Variants in USH2A observed in about 807,000 individuals in gnomAD.
USH2A encodes Usher syndrome 2A (autosomal recessive, mild).
In USH2A, 443 loss-of-function variants were observed where a neutral mutation model predicts 538.9. That is an observed-to-expected ratio of 0.82 (90% CI 0.76 to 0.89). The LOEUF (loss-of-function observed/expected upper bound fraction) is 0.89. Among genes scored for constraint, USH2A ranks in the 40% least tolerant of loss-of-function variants. USH2A has a pLI of 0.00. For missense variants in USH2A, 6,633 were observed against 6,324.8 expected (o/e 1.05, Z -1.65); for synonymous variants, 2,413 against 2,273.5 (o/e 1.06, Z -1.75).
At chr1:215,794,295 G>T (rs1662062021) in intron 50 of USH2A, among the ~76,000 whole-genome samples, 1 of 152,188 alleles carries the variant, frequency 6.6e-6, no homozygotes, top group Admixed American at 6.5e-5. Context: ...TTTGTTAAAG[G>T]GCTCCTGCAG....
chr1:216,312,397 C>CTCT (rs141331350), intron 9 of USH2A, among the ~76,000 whole-genome samples: 3 of 151,808 alleles, frequency 2.0e-5, no homozygotes, highest in African/African-American at 7.3e-5. Flanking sequence ...CTGTTCCTTT[C>CTCT]TCTTCTTCTT....
rs773927620 is a variant in USH2A, at chr1:216,070,189, G to T, written c.5961C>A (p.Tyr1987Ter). ...EPVVRGVIEK[Y>*]ILKAYSEDST... ...TGTCCTCACTATAGGCTTTCAGAATGTACTTCTCAATTACACCTCTGACAA... is the reference window on the plus strand; with the variant it reads ...TGTCCTCACTATAGGCTTTCAGAATTTACTTCTCAATTACACCTCTGACAA... The change falls in exon 30 of 72, where the codon TAC (tyrosine) becomes TAA (stop). Residue 1987 changes from tyrosine (Y) to a stop codon, truncating the protein, a stop_gained. Transcript: ENST00000307340. LOFTEE classifies it high-confidence loss of function. 1 of 1,613,986 alleles carries T rather than the reference G, an allele frequency of 6.2e-7. No homozygotes were observed. Among genetic ancestry groups the T allele is most frequent in the Non-Finnish European group, 8.5e-7 (1 of 1,179,928 alleles).
intron 13 of USH2A, among the ~76,000 whole-genome samples, chr1:216,242,036 G>C (rs1337896503): frequency 6.6e-6 from 1 of 151,998 alleles, no homozygotes; most frequent in Non-Finnish European, 1.5e-5. Context: ...CCTTGTTAAA[G>C]TTTCAATATC....
chr1:216,113,688 CT>C (rs1275593452), intron 21 of USH2A, among the ~76,000 whole-genome samples: 2 of 151,674 alleles, frequency 1.3e-5, no homozygotes, highest in African/African-American at 4.8e-5. Context: ...AAGTCATTTA[CT>C]TTTTTTTAAC....
At chr1:215,826,228 G>A (rs1312259164) in intron 47 of USH2A, among the ~76,000 whole-genome samples, 16 of 152,182 alleles carry the variant, frequency 1.1e-4, no homozygotes, top group Admixed American at 1.0e-3. Flanking sequence ...CTTCTGGCAT[G>A]AGGAGACTCC....
chr1:215,912,477 GTATATATATATA>G (rs1169263958), intron 38 of USH2A, among the ~76,000 whole-genome samples: 2 of 15,420 alleles, frequency 1.3e-4, no homozygotes, highest in Non-Finnish European at 3.0e-4. Context: ...ATATATATAC[GTATATATATATA>G]TGTGTATATA....
chr1:215,971,916 T>C (rs1368444143), intron 35 of USH2A, among the ~76,000 whole-genome samples: 1 of 151,774 alleles, frequency 6.6e-6, no homozygotes, highest in Admixed American at 6.6e-5. Flanking sequence ...ATGAGGGAGG[T>C]GAGAGCACCG....
intron 21 of USH2A, among the ~76,000 whole-genome samples, chr1:216,109,629 C>G (rs962898015): frequency 2.6e-5 from 4 of 152,134 alleles, no homozygotes; most frequent in African/African-American, 9.7e-5. Context: ...TTTGTGAGAA[C>G]AGGAATGCAA....
At chr1:216,147,225 T>C (rs1465489671) in intron 21 of USH2A, among the ~76,000 whole-genome samples, 71 of 151,996 alleles carry the variant, frequency 4.7e-4, no homozygotes, top group Middle Eastern at 3.4e-3. Context: ...CCTCCCCAGG[T>C]TGTTCCTCGC....
intron 64 of USH2A, among the ~76,000 whole-genome samples, chr1:215,660,914 T>G (rs191431294): frequency 3.9e-5 from 6 of 152,338 alleles, no homozygotes; most frequent in African/African-American, 1.4e-4. Flanking sequence ...CTGACTTATT[T>G]GAATGTGTTA....
intron 44 of USH2A, among the ~76,000 whole-genome samples, chr1:215,846,558 T>G (rs1438964024): frequency 6.6e-6 from 1 of 152,210 alleles, no homozygotes; most frequent in Non-Finnish European, 1.5e-5. Flanking sequence ...AATCTCATAA[T>G]TAATTGCAGT....
chr1:216,138,340 A>G (rs1460483283), intron 21 of USH2A, among the ~76,000 whole-genome samples: 1 of 152,232 alleles, frequency 6.6e-6, no homozygotes, highest in African/African-American at 2.4e-5. Context: ...GTTTTAACTC[A>G]GTATATTAAA....
At position 216,360,606 on chromosome 1, in the gene USH2A, T is replaced by C. The variant is rs149057994; in HGVS notation, c.784+4347A>G. On this transcript the variant is annotated intron_variant, in intron 4 of 71. Transcript: ENST00000307340. ...CCATATACCGCTCTGGTGAGGGATA[T>C]TGACAATGGGGAAGGCTGTGCGTGT... is the stretch of plus-strand genomic sequence containing the variant. Among the ~76,000 whole-genome samples, 32 of 152,132 alleles carry C rather than the reference T, an allele frequency of 2.1e-4. No individual in the cohort carries two copies. In the East Asian group the frequency reaches 3.5e-3, roughly 17 times the overall value.
intron 37 of USH2A, among the ~76,000 whole-genome samples, chr1:215,958,126 C>T (rs78837734): frequency 2.0e-5 from 3 of 150,318 alleles, no homozygotes; most frequent in African/African-American, 7.5e-5. Flanking sequence ...AAAATAAACG[C>T]TTCTGTATAT....
At chr1:216,338,062 A>G (rs1352048904) in intron 4 of USH2A, among the ~76,000 whole-genome samples, 2 of 151,432 alleles carry the variant, frequency 1.3e-5, no homozygotes, top group Non-Finnish European at 3.0e-5. Flanking sequence ...GATGAAAAAA[A>G]TCAGCATAAC....
intron 31 of USH2A, among the ~76,000 whole-genome samples, 173 bp from the exon 32 acceptor site, chr1:216,046,765 C>T (rs1182668143): frequency 6.6e-6 from 1 of 152,054 alleles, no homozygotes; most frequent in East Asian, 1.9e-4. Flanking sequence ...AATAACTGTC[C>T]CACATTTATG....
At chr1:216,358,353 C>T (rs528364494) in intron 4 of USH2A, among the ~76,000 whole-genome samples, 26 of 152,182 alleles carry the variant, frequency 1.7e-4, no homozygotes, top group African/African-American at 4.3e-4. Context: ...CAGAGACAGC[C>T]GGCCTGGCAC....
chr1:215,870,513 T>C (rs997176250), intron 43 of USH2A, among the ~76,000 whole-genome samples: 3 of 150,162 alleles, frequency 2.0e-5, no homozygotes. Context: ...GCCAGGATGG[T>C]CTCGATCTTC....
At chr1:215,964,121 A>G (rs1316132163) in intron 37 of USH2A, among the ~76,000 whole-genome samples, 2 of 152,154 alleles carry the variant, frequency 1.3e-5, no homozygotes, top group Admixed American at 1.3e-4. Context: ...CTCTGCAAAA[A>G]CAATGCAAGA....
Sources: gnomAD v4.1 joint callset for allele counts (sites outside exome capture counted in the v4.1 genomes callset) on GRCh38, gnomAD v4.1.1 for gene constraint, MANE v1.5 for transcripts, NCBI Gene and HGNC (gene_info 2026-07-23, HGNC 2026-07-21) for gene names.